Variants in NRXN3 observed in about 807,000 individuals in gnomAD.
The protein encoded by NRXN3 is neurexin 3.
NRXN3 carries 32 observed loss-of-function variants against 137.6 expected under a neutral mutation model. The observed-to-expected ratio is 0.23, with a 90% CI of 0.18 to 0.31. The LOEUF is 0.31. Among genes scored for constraint, NRXN3 ranks in the 10% least tolerant of loss-of-function variants. The pLI, the probability that NRXN3 is intolerant of heterozygous loss-of-function variation, is 1.00. For missense variants in NRXN3, 1,574 were observed against 2,062.5 expected, an observed-to-expected ratio of 0.76 and a Z score of 4.59; for synonymous variants, 798 against 784.5, an observed-to-expected ratio of 1.02 and a Z score of -0.29.
At chr14:79,039,371 AAC>A (rs1325983243) in intron 15 of NRXN3, among the ~76,000 whole-genome samples, 1 of 152,160 alleles carries the variant, frequency 6.6e-6, no homozygotes, top group African/African-American at 2.4e-5. Flanking sequence ...GGATTAATAT[AAC>A]AGTTTCCACT....
intron 10 of NRXN3, among the ~76,000 whole-genome samples, chr14:78,813,264 G>A (rs1287427897): frequency 1.3e-5 from 2 of 152,134 alleles, no homozygotes; most frequent in Admixed American, 6.5e-5. Context: ...GAGAAAAAGG[G>A]CCTACATGAT....
chr14:78,528,644 G>T (rs2096415068), intron 4 of NRXN3, among the ~76,000 whole-genome samples: 1 of 152,222 alleles, frequency 6.6e-6, no homozygotes, highest in East Asian at 1.9e-4. Context: ...AATTGCCCAT[G>T]GAATTGGTTT....
chr14:79,812,001 C>T (rs2099235670), intron 20 of NRXN3, among the ~76,000 whole-genome samples: 1 of 152,032 alleles, frequency 6.6e-6, no homozygotes, highest in African/African-American at 2.4e-5. Context: ...AGGGTAAGAA[C>T]AGAAATATAA....
chr14:78,275,772 C>T (rs2073487711), intron 2 of NRXN3, among the ~76,000 whole-genome samples: 1 of 152,060 alleles, frequency 6.6e-6, no homozygotes, highest in South Asian at 2.1e-4. Context: ...CTCTAGCAAA[C>T]CACGTGGGCT....
chr14:78,792,308 A>G (rs1490376461), intron 8 of NRXN3, among the ~76,000 whole-genome samples: 4 of 151,076 alleles, frequency 2.6e-5, no homozygotes, highest in Non-Finnish European at 4.4e-5. Context: ...ATGTGATCAC[A>G]TAACTAATTT....
chr14:78,453,662 C>G (rs1053642427), intron 4 of NRXN3, among the ~76,000 whole-genome samples: 4 of 152,122 alleles, frequency 2.6e-5, no homozygotes, highest in Non-Finnish European at 5.9e-5. Flanking sequence ...TAAATGTGAC[C>G]TTATTTGGGT....
At chr14:78,785,653 T>C (rs1412397253) in intron 8 of NRXN3, among the ~76,000 whole-genome samples, 1 of 152,226 alleles carries the variant, frequency 6.6e-6, no homozygotes, top group Non-Finnish European at 1.5e-5. Context: ...TTCTTCGTTG[T>C]TGCTGCAGTA....
chr14:79,590,168 C>T (rs936249693), intron 16 of NRXN3, among the ~76,000 whole-genome samples: 7 of 152,012 alleles, frequency 4.6e-5, no homozygotes, highest in Non-Finnish European at 2.9e-5. Context: ...TCCCACATGT[C>T]GTGGGAGGAA....
chr14:79,448,863 G>T (rs2096116169), intron 15 of NRXN3, among the ~76,000 whole-genome samples: 1 of 152,204 alleles, frequency 6.6e-6, no homozygotes, highest in African/African-American at 2.4e-5. Flanking sequence ...AAGCCCTCTA[G>T]ATTGTAGAAG....
Position 79,356,586 on chromosome 14 carries a change from C to T in NRXN3, c.3263-110635C>T, listed in dbSNP as rs77266125. 8.0e-3 allele frequency among the ~76,000 whole-genome samples: 1,220 copies of T among 152,252 alleles called. 24 individuals carry two copies. The highest frequency in any genetic ancestry group is 0.08 in the South Asian group (383 of 4,816). On this transcript the variant is annotated intron_variant, in intron 15 of 20. Coordinates refer to ENST00000335750, the MANE Select transcript of NRXN3 (RefSeq NM_001330195.2). ...TTAATAGGAACAAATTTACTAGCAT[C>T]TCTTTTACTATGTGTCTTATGCATA... is the stretch of plus-strand genomic sequence containing the variant.
intron 1 of NRXN3, among the ~76,000 whole-genome samples, chr14:78,214,635 A>G (rs557949299): frequency 2.6e-5 from 4 of 152,330 alleles, no homozygotes; most frequent in African/African-American, 9.6e-5. Flanking sequence ...ATCAGTAAAA[A>G]GAAAATAAGT....
At chr14:78,562,729 T>C (rs186612402) in intron 4 of NRXN3, among the ~76,000 whole-genome samples, 71 of 152,318 alleles carry the variant, frequency 4.7e-4, no homozygotes, top group African/African-American at 1.7e-3. Context: ...AGCCAACTCA[T>C]AGCACCATGA....
intron 18 of NRXN3, among the ~76,000 whole-genome samples, chr14:79,695,440 G>C (rs978712940): frequency 6.6e-6 from 1 of 151,922 alleles, no homozygotes; most frequent in Non-Finnish European, 1.5e-5. Flanking sequence ...GCAGTTGTGT[G>C]CATGGAAAGT....
chr14:78,267,474 T>C (rs981529581), intron 2 of NRXN3, among the ~76,000 whole-genome samples: 1 of 152,090 alleles, frequency 6.6e-6, no homozygotes, highest in African/African-American at 2.4e-5. Flanking sequence ...GGAGGATTGC[T>C]TGAGGCCAGG....
At chr14:79,417,909 CTT>C (rs1390140283) in intron 15 of NRXN3, among the ~76,000 whole-genome samples, 1 of 150,014 alleles carries the variant, frequency 6.7e-6, no homozygotes, top group Admixed American at 6.7e-5. Flanking sequence ...TGAGTGGAGA[CTT>C]TATTAACAAA....
At chr14:78,674,122 T>A (rs1461420743) in intron 6 of NRXN3, among the ~76,000 whole-genome samples, 1 of 152,188 alleles carries the variant, frequency 6.6e-6, no homozygotes, top group South Asian at 2.1e-4. Flanking sequence ...GCAGCTATTA[T>A]GCCTCCTGTC....
intron 10 of NRXN3, among the ~76,000 whole-genome samples, chr14:78,838,740 C>T (rs1259726192): frequency 6.6e-6 from 1 of 152,122 alleles, no homozygotes; most frequent in Non-Finnish European, 1.5e-5. Flanking sequence ...GTCAAATCCT[C>T]TCTCTAGCCA....
At chr14:79,433,790 T>C (rs780966158) in intron 15 of NRXN3, among the ~76,000 whole-genome samples, 3 of 152,354 alleles carry the variant, frequency 2.0e-5, no homozygotes, top group Admixed American at 6.5e-5. Flanking sequence ...TAGATGGGTC[T>C]AGCTAAAACT....
intron 15 of NRXN3, among the ~76,000 whole-genome samples, chr14:79,037,553 A>G (rs76084097): frequency 0.016 from 2,489 of 152,246 alleles, 52 homozygotes; most frequent in African/African-American, 0.056. Context: ...TTTTAATTCT[A>G]AAGAAAAAGG....
Sources: allele counts gnomAD v4.1 joint callset (sites outside exome capture counted in the v4.1 genomes callset), GRCh38; gene constraint gnomAD v4.1.1; transcripts MANE v1.5; gene names NCBI Gene and HGNC (gene_info 2026-07-23, HGNC 2026-07-21).